LAMC3: variants seen among roughly 807,000 people sequenced by gnomAD.
The protein encoded by LAMC3 is laminin subunit gamma 3.
In LAMC3, 128 loss-of-function variants were observed where a neutral mutation model predicts 173.8. The ratio of observed to expected loss-of-function variants is 0.74; its 90% CI spans 0.64 to 0.85. The LOEUF is 0.85. Among genes scored for constraint, LAMC3 ranks in the 40% least tolerant of loss-of-function variants. LAMC3 has a pLI of 0.00. For synonymous variants in LAMC3, 897 were observed against 909.1 expected, an observed-to-expected ratio of 0.99 and a Z score of 0.24; for missense variants, 2,022 against 2,156.0, an observed-to-expected ratio of 0.94 and a Z score of 1.23.
At chr9:131,045,431 T>G in intron 7 of LAMC3, 93 bp from the exon 8 acceptor site, 3 of 1,435,306 alleles carry the variant, frequency 2.1e-6, no homozygotes, top group Non-Finnish European at 2.9e-6. Context: ...GCAGTGATTC[T>G]AGACTCTCAT....
chr9:131,075,610 A>T (rs1830109116), intron 20 of LAMC3, among the ~76,000 whole-genome samples: 2 of 151,934 alleles, frequency 1.3e-5, no homozygotes, highest in African/African-American at 2.4e-5. Flanking sequence ...AGGACAACAG[A>T]CACAAACTCT....
At chr9:131,046,084 A>G (rs1217580399) in intron 8 of LAMC3, among the ~76,000 whole-genome samples, 2 of 152,106 alleles carry the variant, frequency 1.3e-5, no homozygotes, top group Middle Eastern at 3.4e-3. Context: ...TCCCCTTTCA[A>G]TGATGAAGTA....
At chr9:131,053,060 C>T (rs182539719) in intron 11 of LAMC3, 95 bp downstream of exon 11, 316 of 943,276 alleles carry the variant, frequency 3.4e-4, no homozygotes, top group Non-Finnish European at 4.8e-4. Flanking sequence ...CAGGGCCTTG[C>T]GGCCGGGTGG....
chr9:131,080,381 C>G (rs1178822271), intron 23 of LAMC3: 4 of 150,774 alleles, frequency 2.7e-5, no homozygotes, highest in African/African-American at 1.0e-4. Context: ...CTCTGCCTCC[C>G]AGGTTCATGC....
intron 27 of LAMC3, among the ~76,000 whole-genome samples, chr9:131,089,738 G>A (rs1349401713): frequency 6.6e-6 from 1 of 152,078 alleles, no homozygotes; most frequent in Non-Finnish European, 1.5e-5. Context: ...AAGTCATCAA[G>A]ATTCACCCAT....
At chr9:131,090,153 G>C in intron 27 of LAMC3, among the ~76,000 whole-genome samples, 1 of 152,146 alleles carries the variant, frequency 6.6e-6, no homozygotes, top group Non-Finnish European at 1.5e-5. Context: ...TAGGAAAGCC[G>C]TGGCTCACCT....
chr9:131,036,019 C>T, intron 3 of LAMC3, 147 bp from the exon 4 acceptor site: 1 of 827,632 alleles, frequency 1.2e-6, no homozygotes, highest in South Asian at 1.4e-5. Context: ...ACTGCTGCCC[C>T]CAGGGCACAT....
intron 2 of LAMC3, among the ~76,000 whole-genome samples, chr9:131,030,452 G>A (rs1243824801): frequency 6.6e-6 from 1 of 152,220 alleles, no homozygotes. Flanking sequence ...GGCATGATAA[G>A]GGCTTTGGGA....
chr9:131,080,814 A>G (rs932206174), intron 23 of LAMC3, among the ~76,000 whole-genome samples: 1 of 152,068 alleles, frequency 6.6e-6, no homozygotes, highest in Non-Finnish European at 1.5e-5. Flanking sequence ...ACCCCACCAC[A>G]GCACCCATGC....
intron 2 of LAMC3, among the ~76,000 whole-genome samples, chr9:131,030,450 A>AAGGGCTTTGGGATAGACACAGG (rs1833805026): frequency 6.6e-6 from 1 of 152,138 alleles, no homozygotes; most frequent in Non-Finnish European, 1.5e-5. Flanking sequence ...CTGGCATGAT[A>AAGGGCTTTGGGATAGACACAGG]AGGGCTTTGG....
chr9:131,073,260 G>C lies in LAMC3; in HGVS notation c.3433G>C (p.Gly1145Arg), dbSNP rs2133327092. The change falls in exon 20 of 28, where the codon GGT becomes CGT. Residue 1145 changes from glycine (G) to arginine (R), a missense_variant. Gly to Arg is a moderately radical substitution (Grantham distance 125, BLOSUM62 -2). Transcript: ENST00000361069. ...ILASLEIPQEGPSQPTKWSHL... is the reference protein window; with the variant it reads ...ILASLEIPQERPSQPTKWSHL... ...CTTTCTACAGGAGATTCCTCAGGAA[G>C]GTCCCAGTCAGCCGACCAAATGGAG... The C allele has an allele frequency of 6.2e-7, 1 of 1,613,422 alleles. No individual in the cohort carries two copies. Among genetic ancestry groups the C allele is most frequent in the Non-Finnish European group, 8.5e-7 (1 of 1,179,852 alleles).
intron 12 of LAMC3, among the ~76,000 whole-genome samples, 177 bp downstream of exon 12, chr9:131,057,324 T>TA (rs938897209): frequency 3.9e-5 from 6 of 152,392 alleles, no homozygotes; most frequent in Admixed American, 6.5e-5. Flanking sequence ...CATAGTTTAA[T>TA]AAAAGTTACT....
intron 12 of LAMC3, 86 bp downstream of exon 12, chr9:131,057,233 G>C: frequency 8.3e-7 from 1 of 1,203,366 alleles, no homozygotes. Context: ...GGCCAGCCTG[G>C]CACAGGCATT....
At chr9:131,057,977 C>T (rs1829726165) in intron 12 of LAMC3, among the ~76,000 whole-genome samples, 2 of 152,372 alleles carry the variant, frequency 1.3e-5, no homozygotes, top group South Asian at 4.1e-4. Flanking sequence ...TGTCCCATCT[C>T]ACAGGTGAAG....
chr9:131,028,291 T>C (rs1157400341), intron 2 of LAMC3, among the ~76,000 whole-genome samples: 1 of 152,178 alleles, frequency 6.6e-6, no homozygotes, highest in Non-Finnish European at 1.5e-5. Context: ...ACGAAACCTC[T>C]TCCTGGTGCC....
intron 26 of LAMC3, 45 bp from the exon 27 acceptor site, chr9:131,087,673 G>A (rs1211806811): frequency 3.1e-6 from 5 of 1,613,638 alleles, no homozygotes; most frequent in Non-Finnish European, 3.4e-6. Flanking sequence ...TGGCAGCCCG[G>A]GTGGGGACGC....
Position 131,016,524 on chromosome 9 carries a change from T to G in LAMC3, c.373+6937T>G, listed in dbSNP as rs138369954. On this transcript the variant is annotated intron_variant, in intron 1 of 27. Coordinates refer to ENST00000361069, the MANE Select transcript of LAMC3 (RefSeq NM_006059.4). ...GCAAAGGAATCCTACTTCTGGGAAT[T>G]CAAATAAGGGAAGGGTCCTAATGCA... Among the ~76,000 whole-genome samples, 211 of 152,326 alleles carry G rather than the reference T, an allele frequency of 1.4e-3. 1 individual carries two copies. The highest frequency in any genetic ancestry group is 4.0e-3 in the Admixed American group (61 of 15,294).
rs1833782333 is a variant in LAMC3 at position 131,029,172 on chromosome 9, C to A, written c.678+2583C>A. Among the ~76,000 whole-genome samples the A allele has an allele frequency of 6.6e-6, 1 of 152,242 alleles. No homozygotes were observed. The highest frequency in any genetic ancestry group is 1.5e-5 in the Non-Finnish European group (1 of 68,046). ...GACATCCAAGGATATGGAGGTCACTCCCCTGGATCCAGGGCAAAGGGCCAG... is the reference window on the plus strand; with the variant it reads ...GACATCCAAGGATATGGAGGTCACTACCCTGGATCCAGGGCAAAGGGCCAG... On this transcript the variant is annotated intron_variant, in intron 2 of 27. Coordinates refer to ENST00000361069, the MANE Select transcript of LAMC3 (RefSeq NM_006059.4). The surrounding 1 kb of genome is among the most constrained non-coding windows in gnomAD (Gnocchi z 4.6).
At chr9:131,051,151 T>C (rs1335733341) in intron 9 of LAMC3, among the ~76,000 whole-genome samples, 1 of 152,170 alleles carries the variant, frequency 6.6e-6, no homozygotes, top group East Asian at 1.9e-4. Flanking sequence ...ATTTGAGGGA[T>C]GCACTGCAGA....
Sources: allele counts gnomAD v4.1 joint callset (sites outside exome capture counted in the v4.1 genomes callset), GRCh38; gene constraint gnomAD v4.1.1; non-coding constraint Gnocchi (gnomAD v3.1); transcripts MANE v1.5; gene names NCBI Gene and HGNC (gene_info 2026-07-23, HGNC 2026-07-21).